Variants in TET2 observed in about 807,000 individuals in gnomAD.
TET2 encodes the protein methylcytosine dioxygenase TET2.
TET2 carries 299 observed loss-of-function variants against 142.9 expected under a neutral mutation model. The observed-to-expected ratio is 2.09, with a 90% CI of 1.90 to 2.30. The LOEUF is 2.30. Ranked by LOEUF, TET2 falls within the 30% of genes most tolerant of loss-of-function variation. TET2 has a pLI of 0.00. For missense variants in TET2, 2,418 were observed against 2,378.0 expected, an observed-to-expected ratio of 1.02 and a Z score of -0.35; for synonymous variants, 819 against 849.0, an observed-to-expected ratio of 0.96 and a Z score of 0.61.
rs934183533 is a variant in TET2 at position 105,277,985 on chromosome 4, G to C, written c.*1466G>C. 1 of 214,506 alleles carries C rather than the reference G, an allele frequency of 4.7e-6. No homozygotes were observed. Among genetic ancestry groups the C allele is most frequent in the Non-Finnish European group, 9.4e-6 (1 of 106,500 alleles). The allele number at this position is 214,506 out of a possible 1,614,324, so 13.3% of individuals were successfully genotyped here. A position where few individuals can be genotyped will look rare whatever the true frequency, so the allele number is the denominator to read the frequency against. On this transcript the variant is annotated 3_prime_UTR_variant, in exon 11 of 11. Coordinates refer to ENST00000380013, the MANE Select transcript of TET2 (RefSeq NM_001127208.3). ...GATGCCTGCATAAGATGAATAAACA[G>C]GGTTAGTTCCATGTGAATCTGTCAG...
Position 105,236,352 on chromosome 4 carries a change from A to G in TET2, c.2410A>G (p.Met804Val). Reference protein sequence around the residue: ...SSEFETHNVQMGLEEVQNINR... With the variant: ...SSEFETHNVQVGLEEVQNINR... ...CGAGTTCGAGACTCATAATGTCCAA[A>G]TGGGACTGGAGGAAGTACAGAATAT... is the stretch of plus-strand genomic sequence containing the variant. The change falls in exon 3 of 11, where the codon ATG becomes GTG. Residue 804 changes from methionine (M) to valine (V), a missense_variant. By Grantham distance (21) the Met-to-Val change is conservative. Transcript: ENST00000380013. 2 of 1,614,004 alleles carry G rather than the reference A, an allele frequency of 1.2e-6. No homozygotes were observed. Among genetic ancestry groups the G allele is most frequent in the African/African-American group, 1.3e-5 (1 of 75,054 alleles).
intron 1 of TET2, among the ~76,000 whole-genome samples, chr4:105,174,141 C>T (rs1724641116): frequency 3.3e-5 from 5 of 152,016 alleles, no homozygotes; most frequent in African/African-American, 1.2e-4. Context: ...TTAGGGGTAT[C>T]AGAGAGAGTT....
In TET2 at chr4:105,235,424, G is replaced by C. The variant is rs1273320098; in HGVS notation, c.1482G>C (p.Gly494=). The C allele has an allele frequency of 6.2e-7, 1 of 1,614,054 alleles. No individual in the cohort carries two copies. Among genetic ancestry groups the C allele is most frequent in the Non-Finnish European group, 8.5e-7 (1 of 1,180,018 alleles). Reference sequence around the variant, plus strand: ...ACAGGAATGACATACAGACTGCAGGGACAATGACTGTTCCATTGTGTTCTG... The same window carrying C: ...ACAGGAATGACATACAGACTGCAGGCACAATGACTGTTCCATTGTGTTCTG... ...CVNRNDIQTA[G]TMTVPLCSEK... Residue 494 remains glycine (G), a synonymous_variant, in exon 3 of 11, where the codon GGG becomes GGC. Coordinates refer to ENST00000380013, the MANE Select transcript of TET2 (RefSeq NM_001127208.3).
At chr4:105,192,622 A>G (rs1284707924) in intron 2 of TET2, among the ~76,000 whole-genome samples, 4 of 152,198 alleles carry the variant, frequency 2.6e-5, no homozygotes, top group Admixed American at 2.6e-4. Context: ...TCATTCAAAA[A>G]TATTTCTTGA....
At chr4:105,214,147 C>G (rs1231795199) in intron 2 of TET2, among the ~76,000 whole-genome samples, 1 of 151,880 alleles carries the variant, frequency 6.6e-6, no homozygotes, top group African/African-American at 2.4e-5. Context: ...TGTCATGTTA[C>G]GATATATATT....
chr4:105,200,756 G>A (rs1489619678), intron 2 of TET2, among the ~76,000 whole-genome samples: 1 of 152,076 alleles, frequency 6.6e-6, no homozygotes, highest in East Asian at 1.9e-4. Flanking sequence ...CACATTCCGG[G>A]TTCAAGCAAT....
At chr4:105,175,154 T>G (rs1232856942) in intron 1 of TET2, among the ~76,000 whole-genome samples, 1 of 151,986 alleles carries the variant, frequency 6.6e-6, no homozygotes, top group Non-Finnish European at 1.5e-5. Flanking sequence ...TTTTACTGAG[T>G]ATATCATGTC....
At chr4:105,154,753 G>A (rs1010395229) in intron 1 of TET2, among the ~76,000 whole-genome samples, 14 of 152,156 alleles carry the variant, frequency 9.2e-5, no homozygotes, top group African/African-American at 2.9e-4. Flanking sequence ...GACTGGGTGC[G>A]GTGGCTCACA....
At chr4:105,194,127 AAAT>A (rs1725944052) in intron 2 of TET2, among the ~76,000 whole-genome samples, 2 of 152,282 alleles carry the variant, frequency 1.3e-5, no homozygotes, top group South Asian at 4.1e-4. Flanking sequence ...GCTAATAAAA[AAAT>A]AATAAAAAAG....
chr4:105,191,842 G>T (rs1307411051), intron 2 of TET2, among the ~76,000 whole-genome samples: 1 of 152,116 alleles, frequency 6.6e-6, no homozygotes, highest in Non-Finnish European at 1.5e-5. Context: ...AGAGAACTCA[G>T]TATAGTAGTA....
At chr4:105,272,314 T>G (rs149387244) in intron 9 of TET2, among the ~76,000 whole-genome samples, 2 of 152,342 alleles carry the variant, frequency 1.3e-5, no homozygotes, top group African/African-American at 4.8e-5. Flanking sequence ...TCACCACAGC[T>G]AACTGTTCCT....
Position 105,275,921 on chromosome 4 carries a change from T to A in TET2, c.5411T>A (p.Leu1804His). Residue 1804 changes from leucine (L) to histidine (H), a missense_variant, in exon 11 of 11, where the codon CTT (leucine) becomes CAT (histidine). Physicochemically the swap from Leu to His is moderately conservative, Grantham distance 99. Transcript: ENST00000380013. ...GGGTTATCAAAGATGCTTCCAGCTC[T>A]TAACCATGATAGAACTGCTTGTGTC... ...ANGLSKMLPA[L>H]NHDRTACVQG... 6.4e-7 allele frequency: 1 copy of A among 1,552,040 alleles called. No homozygotes were observed. The highest frequency in any genetic ancestry group is 8.7e-7 in the Non-Finnish European group (1 of 1,147,044).
chr4:105,159,502 G>A (rs1723737261), intron 1 of TET2, among the ~76,000 whole-genome samples: 1 of 152,044 alleles, frequency 6.6e-6, no homozygotes. Flanking sequence ...TGATCCGCTT[G>A]CTTCGGCCCC....
At chr4:105,244,411 C>T (rs1196643457) in intron 6 of TET2, among the ~76,000 whole-genome samples, 1 of 152,082 alleles carries the variant, frequency 6.6e-6, no homozygotes, top group Non-Finnish European at 1.5e-5. Context: ...AGAGTATGCA[C>T]TTAAATATAT....
rs1451627098 is a variant in TET2 at position 105,275,813 on chromosome 4, C to G, written c.5303C>G (p.Ala1768Gly). 1 of 1,551,600 alleles carries G rather than the reference C, an allele frequency of 6.4e-7. No individual in the cohort carries two copies. Among genetic ancestry groups the G allele is most frequent in the Non-Finnish European group, 8.7e-7 (1 of 1,146,988 alleles). Residue 1768 changes from alanine (A) to glycine (G), a missense_variant, in exon 11 of 11, where the codon GCA becomes GGA. By Grantham distance (60) the Ala-to-Gly change is moderately conservative. Transcript: ENST00000380013. The part of the protein sequence containing the change: ...SPSHIIHNYS[A>G]APGMFNSSLH... ...TCTCACATAATCCATAACTACAGTGCAGCTCCGGGCATGTTCAACAGCTCT... is the reference window on the plus strand; with the variant it reads ...TCTCACATAATCCATAACTACAGTGGAGCTCCGGGCATGTTCAACAGCTCT...
chr4:105,180,410 G>A (rs1293528802), intron 1 of TET2, among the ~76,000 whole-genome samples: 2 of 151,984 alleles, frequency 1.3e-5, no homozygotes, highest in Admixed American at 6.5e-5. Context: ...TGTGCTTCTC[G>A]GCTGTTGTAG....
intron 8 of TET2, among the ~76,000 whole-genome samples, chr4:105,264,195 G>T (rs2110292552): frequency 6.6e-6 from 1 of 151,410 alleles, no homozygotes; most frequent in South Asian, 2.1e-4. Flanking sequence ...TTAGAAATGT[G>T]TATGAATATC....
At chr4:105,182,550 C>T (rs1432206993) in intron 1 of TET2, among the ~76,000 whole-genome samples, 6 of 152,198 alleles carry the variant, frequency 3.9e-5, no homozygotes, top group Admixed American at 2.0e-4. Flanking sequence ...TTGCAGAATG[C>T]ATAGTTTGTT....
At chr4:105,149,556 G>T (rs1048422111) in intron 1 of TET2, among the ~76,000 whole-genome samples, 1 of 152,106 alleles carries the variant, frequency 6.6e-6, no homozygotes, top group Non-Finnish European at 1.5e-5. Flanking sequence ...TACTACCTAG[G>T]TGCTCCAAAA....
Sources: allele counts gnomAD v4.1 joint callset (sites outside exome capture counted in the v4.1 genomes callset), GRCh38; gene constraint gnomAD v4.1.1; transcripts MANE v1.5; gene names NCBI Gene and HGNC (gene_info 2026-07-23, HGNC 2026-07-21).